The following DIS3L2 variants were observed in gnomAD, a reference collection of about 807,000 sequenced individuals.
The protein encoded by DIS3L2 is DIS3 like 3'-5' exoribonuclease 2.
Under a neutral mutation model 97.5 loss-of-function variants are expected in DIS3L2, and 34 were observed. The ratio of observed to expected loss-of-function variants is 0.35; its 90% CI spans 0.27 to 0.46. DIS3L2 has a LOEUF of 0.46. DIS3L2 is among the 20% of genes least tolerant of loss of function. DIS3L2 has a pLI of 1.00. For synonymous variants in DIS3L2, 435 were observed against 445.2 expected, an observed-to-expected ratio of 0.98 and a Z score of 0.29; for missense variants, 1,038 against 1,146.0, an observed-to-expected ratio of 0.91 and a Z score of 1.36.
chr2:232,062,767 T>C (rs1384774341), intron 5 of DIS3L2, among the ~76,000 whole-genome samples: 1 of 151,990 alleles, frequency 6.6e-6, no homozygotes, highest in East Asian at 1.9e-4. Flanking sequence ...TTCCCTCCTT[T>C]CTTCCTTCCT....
At chr2:232,316,454 G>A in intron 14 of DIS3L2, among the ~76,000 whole-genome samples, 1 of 151,988 alleles carries the variant, frequency 6.6e-6, no homozygotes, top group East Asian at 1.9e-4. Context: ...AGGGCCAGTT[G>A]TCACTTCTCC....
At chr2:232,015,385 A>G in intron 2 of DIS3L2, 129 bp from the exon 3 acceptor site, 1 of 1,238,394 alleles carries the variant, frequency 8.1e-7, no homozygotes, top group Non-Finnish European at 1.1e-6. Context: ...ATTGTTAAAA[A>G]TCACCATCAG....
In DIS3L2 at chr2:232,336,793, A is replaced by C. The variant is rs1347376083; in HGVS notation, c.*163A>C. 3 of 1,445,322 alleles carry C rather than the reference A, an allele frequency of 2.1e-6. No homozygotes were observed. The highest frequency in any genetic ancestry group is 2.7e-6 in the Non-Finnish European group (3 of 1,107,102). 89.5% of individuals were successfully genotyped at this position (1,445,322 alleles called of 1,614,324 possible). Reference sequence around the variant, plus strand: ...GCAGCTCAACTTTTAAACAAACTGCAGGGGAGAGGGTGGGGCTGGAAGGAA... The same window carrying C: ...GCAGCTCAACTTTTAAACAAACTGCCGGGGAGAGGGTGGGGCTGGAAGGAA... On this transcript the variant is annotated 3_prime_UTR_variant, in exon 21 of 21. Transcript: ENST00000325385.
chr2:232,270,686 A>G (rs1234816804), intron 13 of DIS3L2, among the ~76,000 whole-genome samples: 2 of 152,376 alleles, frequency 1.3e-5, no homozygotes, highest in African/African-American at 2.4e-5. Flanking sequence ...CATCAAGGAT[A>G]TGGATATATT....
intron 14 of DIS3L2, 28 bp from the exon 15 acceptor site, chr2:232,329,785 T>TGCCGGGGCGG: frequency 1.0e-6 from 1 of 967,144 alleles, no homozygotes; most frequent in Non-Finnish European, 1.5e-6. Flanking sequence ...ACCCCAGCGG[T>TGCCGGGGCGG]CCCTCCCATC....
At chr2:232,207,623 C>T (rs1428812302) in intron 9 of DIS3L2, among the ~76,000 whole-genome samples, 1 of 152,142 alleles carries the variant, frequency 6.6e-6, no homozygotes, top group Non-Finnish European at 1.5e-5. Flanking sequence ...GAGTGGGTCT[C>T]CTGATTAATC....
chr2:232,298,206 T>C (rs990070314), intron 13 of DIS3L2, among the ~76,000 whole-genome samples: 1 of 152,242 alleles, frequency 6.6e-6, no homozygotes, highest in African/African-American at 2.4e-5. Context: ...CTGGACTTTT[T>C]AGTCTTTCCA....
rs560492433 is a variant in DIS3L2, at chr2:232,308,535, G to A, written c.1739+8416G>A. On this transcript the variant is annotated intron_variant, in intron 14 of 20. Coordinates refer to ENST00000325385, the MANE Select transcript of DIS3L2 (RefSeq NM_152383.5). ...CACACATCATTAAACTTACTAGCTG[G>A]CCTCTAGATGTGTGAGAGAGAGCTA... Among the ~76,000 whole-genome samples, 4 of 152,280 alleles carry A rather than the reference G, an allele frequency of 2.6e-5. No individual in the cohort carries two copies. The South Asian group carries it at 8.3e-4, about 32-fold the overall frequency.
intron 8 of DIS3L2, among the ~76,000 whole-genome samples, chr2:232,138,257 A>C (rs1463055994): frequency 6.6e-6 from 1 of 152,132 alleles, no homozygotes; most frequent in African/African-American, 2.4e-5. Flanking sequence ...AAAATACAAC[A>C]AAAAGGGAGT....
intron 2 of DIS3L2, among the ~76,000 whole-genome samples, chr2:232,015,282 A>C (rs1004765618): frequency 6.6e-6 from 1 of 152,174 alleles, no homozygotes; most frequent in Non-Finnish European, 1.5e-5. Context: ...TATTCAGATT[A>C]TGTTCCATGC....
chr2:232,243,321 C>T (rs554069138), intron 11 of DIS3L2, among the ~76,000 whole-genome samples: 7 of 152,086 alleles, frequency 4.6e-5, no homozygotes, highest in African/African-American at 9.6e-5. Flanking sequence ...GAGAGAGCCA[C>T]GGATGAGGTT....
intron 5 of DIS3L2, among the ~76,000 whole-genome samples, chr2:232,045,670 C>CTTTTTTTTTT (rs35019734): frequency 2.0e-5 from 2 of 99,050 alleles, no homozygotes; most frequent in Admixed American, 1.3e-4. Context: ...AAAGGCCTCA[C>CTTTTTTTTTT]TTTTTTTTTT....
intron 5 of DIS3L2, among the ~76,000 whole-genome samples, chr2:232,044,751 G>C (rs537378602): frequency 5.1e-4 from 77 of 152,220 alleles, no homozygotes; most frequent in African/African-American, 1.8e-3. Context: ...AACTTAATGG[G>C]TATGCAGAAG....
chr2:232,314,030 G>C (rs965704653), intron 14 of DIS3L2, among the ~76,000 whole-genome samples: 1 of 152,174 alleles, frequency 6.6e-6, no homozygotes, highest in Non-Finnish European at 1.5e-5. Flanking sequence ...TGAGATTTGG[G>C]TGGGGACACA....
At chr2:232,207,308 CA>C (rs917764240) in intron 9 of DIS3L2, among the ~76,000 whole-genome samples, 7 of 152,160 alleles carry the variant, frequency 4.6e-5, no homozygotes, top group African/African-American at 1.7e-4. Flanking sequence ...GAGCCAAGTT[CA>C]AGATCCTCAT....
At chr2:232,143,812 G>A (rs545411745) in intron 8 of DIS3L2, among the ~76,000 whole-genome samples, 1 of 151,870 alleles carries the variant, frequency 6.6e-6, no homozygotes, top group Non-Finnish European at 1.5e-5. Context: ...CAAGTTCCCT[G>A]TCTGTTCTCC....
At chr2:232,086,169 G>A (rs934770551) in intron 5 of DIS3L2, among the ~76,000 whole-genome samples, 2 of 151,098 alleles carry the variant, frequency 1.3e-5, no homozygotes, top group Admixed American at 6.6e-5. Flanking sequence ...TGCTTTATAC[G>A]TATATACGTA....
chr2:232,214,164 A>G (rs1472023563), intron 10 of DIS3L2, among the ~76,000 whole-genome samples: 1 of 152,176 alleles, frequency 6.6e-6, no homozygotes, highest in Non-Finnish European at 1.5e-5. Flanking sequence ...TCAGTGTTTT[A>G]TTATTGTACA....
intron 9 of DIS3L2, among the ~76,000 whole-genome samples, chr2:232,194,890 G>A (rs1183019864): frequency 6.6e-6 from 1 of 152,098 alleles, no homozygotes; most frequent in African/African-American, 2.4e-5. Flanking sequence ...TAGAGAAGTA[G>A]CACTCCATTC....
Sources: gnomAD v4.1 joint callset for allele counts (sites outside exome capture counted in the v4.1 genomes callset) on GRCh38, gnomAD v4.1.1 for gene constraint, MANE v1.5 for transcripts, NCBI Gene and HGNC (gene_info 2026-07-23, HGNC 2026-07-21) for gene names.